GPC5: variants seen among roughly 807,000 people sequenced by gnomAD.
GPC5 encodes glypican 5.
Under a neutral mutation model 53.9 loss-of-function variants are expected in GPC5, and 47 were observed. The observed-to-expected ratio is 0.87, with a 90% confidence interval of 0.69 to 1.11. GPC5 has a LOEUF of 1.11. GPC5 is among the 50% of genes most tolerant of loss of function. The pLI, the probability that GPC5 is intolerant of heterozygous loss-of-function variation, is 0.00. For missense variants in GPC5, 748 were observed against 713.1 expected, an observed-to-expected ratio of 1.05 and a Z score of -0.56; for synonymous variants, 286 against 263.3, an observed-to-expected ratio of 1.09 and a Z score of -0.84.
chr13:92,507,787 C>T (rs1880425305), intron 7 of GPC5, among the ~76,000 whole-genome samples: 1 of 151,928 alleles, frequency 6.6e-6, no homozygotes, highest in Non-Finnish European at 1.5e-5. Flanking sequence ...AAAATATATC[C>T]TGCACAAGTG....
chr13:91,882,670 G>GTTTTTTTTTTTTTTTTTTTTTTGTTTT, intron 5 of GPC5, among the ~76,000 whole-genome samples: 4 of 59,332 alleles, frequency 6.7e-5, no homozygotes, highest in African/African-American at 1.4e-4. Context: ...TGTTTTTTGG[G>GTTTTTTTTTTTTTTTTTTTTTTGTTTT]TTTTTTTTTT....
At chr13:92,282,694 A>G (rs1297022702) in intron 7 of GPC5, among the ~76,000 whole-genome samples, 6 of 152,208 alleles carry the variant, frequency 3.9e-5, no homozygotes, top group Admixed American at 3.9e-4. Context: ...GCAAATGCTG[A>G]GAGATTTTGT....
intron 6 of GPC5, among the ~76,000 whole-genome samples, chr13:92,045,232 G>C (rs984686998): frequency 6.6e-6 from 1 of 152,172 alleles, no homozygotes; most frequent in African/African-American, 2.4e-5. Flanking sequence ...AGATTCAAGA[G>C]TAAAATGTGT....
chr13:92,595,543 C>T (rs1047067252), intron 7 of GPC5, among the ~76,000 whole-genome samples: 133 of 151,616 alleles, frequency 8.8e-4, no homozygotes, highest in Non-Finnish European at 9.3e-4. Flanking sequence ...CCGAGGCAGG[C>T]GGATCACGAG....
chr13:92,770,886 G>T (rs1346425053), intron 7 of GPC5, among the ~76,000 whole-genome samples: 2 of 152,144 alleles, frequency 1.3e-5, no homozygotes, highest in Non-Finnish European at 2.9e-5. Flanking sequence ...TAAAAGTCTG[G>T]ATTCCCCACT....
chr13:92,481,571 T>A, intron 7 of GPC5, among the ~76,000 whole-genome samples: 1 of 152,158 alleles, frequency 6.6e-6, no homozygotes, highest in East Asian at 1.9e-4. Context: ...TTCATTTGCT[T>A]ACATCTCCCG....
intron 7 of GPC5, among the ~76,000 whole-genome samples, chr13:92,253,119 A>G (rs553590545): frequency 2.0e-5 from 3 of 152,256 alleles, no homozygotes; most frequent in South Asian, 4.1e-4. Context: ...GTTTCTGAAA[A>G]AGTGAGAATT....
chr13:92,461,229 G>A (rs1878465847), intron 7 of GPC5, among the ~76,000 whole-genome samples: 1 of 152,106 alleles, frequency 6.6e-6, no homozygotes, highest in African/African-American at 2.4e-5. Context: ...GGATTTTTGA[G>A]GAGCAGAAAA....
chr13:92,572,379 T>C (rs1316146600), intron 7 of GPC5, among the ~76,000 whole-genome samples: 2 of 152,260 alleles, frequency 1.3e-5, no homozygotes, highest in East Asian at 3.9e-4. Flanking sequence ...TATCACCTTT[T>C]GTTGGGACAT....
chr13:92,535,472 G>C (rs1881694634), intron 7 of GPC5, among the ~76,000 whole-genome samples: 1 of 152,152 alleles, frequency 6.6e-6, no homozygotes, highest in Middle Eastern at 3.4e-3. Context: ...TAGAGGGAAA[G>C]AAAACAGGAA....
chr13:92,785,460 T>C lies in GPC5; in HGVS notation c.1562-80822T>C, dbSNP rs9561152. 0.028 allele frequency among the ~76,000 whole-genome samples: 4,226 copies of C among 152,242 alleles called. 390 individuals carry two copies. In the East Asian group the frequency reaches 0.32, roughly 12 times the overall value. ...AGAAGGTAGCTAAGAAAACTAATCTTCCTAATTCATATGTGCAACCACAAA... is the reference window on the plus strand; with the variant it reads ...AGAAGGTAGCTAAGAAAACTAATCTCCCTAATTCATATGTGCAACCACAAA... On this transcript the variant is annotated intron_variant, in intron 7 of 7. Coordinates refer to ENST00000377067, the MANE Select transcript of GPC5 (RefSeq NM_004466.6).
intron 7 of GPC5, among the ~76,000 whole-genome samples, chr13:92,735,612 A>AAAT (rs1888914346): frequency 1.3e-5 from 2 of 152,118 alleles, no homozygotes; most frequent in African/African-American, 4.8e-5. Context: ...AGAAAATGGA[A>AAAT]AATGAAATGT....
chr13:92,063,866 T>A (rs1258553618), intron 6 of GPC5, among the ~76,000 whole-genome samples: 1 of 152,198 alleles, frequency 6.6e-6, no homozygotes, highest in Non-Finnish European at 1.5e-5. Flanking sequence ...TATTAATAAA[T>A]TGCTTGAAAT....
intron 6 of GPC5, among the ~76,000 whole-genome samples, chr13:92,115,808 C>T (rs1344643302): frequency 6.6e-6 from 1 of 152,066 alleles, no homozygotes; most frequent in East Asian, 1.9e-4. Context: ...TGGTGCACCC[C>T]CCACCCCCAC....
intron 2 of GPC5, among the ~76,000 whole-genome samples, chr13:91,614,786 T>C (rs2033651530): frequency 6.6e-6 from 1 of 152,212 alleles, no homozygotes; most frequent in Non-Finnish European, 1.5e-5. Flanking sequence ...CCGATGTTTA[T>C]AATGGCAAAT....
chr13:92,384,373 T>G (rs2043775146), intron 7 of GPC5, among the ~76,000 whole-genome samples: 1 of 152,068 alleles, frequency 6.6e-6, no homozygotes. Context: ...TTCTTATAAG[T>G]TTTTGTTTGT....
chr13:91,809,776 A>G (rs1020651114), intron 5 of GPC5, among the ~76,000 whole-genome samples: 1 of 152,100 alleles, frequency 6.6e-6, no homozygotes, highest in Non-Finnish European at 1.5e-5. Flanking sequence ...AATATACTCT[A>G]CAAAATTTTA....
intron 5 of GPC5, among the ~76,000 whole-genome samples, chr13:91,895,029 T>C (rs1253587507): frequency 6.6e-6 from 1 of 150,878 alleles, no homozygotes; most frequent in Non-Finnish European, 1.5e-5. Context: ...AAGCTGGCCT[T>C]CTAACCAAAC....
chr13:91,655,978 G>A (rs546167505), intron 2 of GPC5, among the ~76,000 whole-genome samples: 2 of 152,198 alleles, frequency 1.3e-5, no homozygotes, highest in African/African-American at 4.8e-5. Context: ...CAACAGAGGC[G>A]ATGTGCGTAT....
Sources: gnomAD v4.1 joint callset for allele counts (sites outside exome capture counted in the v4.1 genomes callset) on GRCh38, gnomAD v4.1.1 for gene constraint, MANE v1.5 for transcripts, NCBI Gene and HGNC (gene_info 2026-07-23, HGNC 2026-07-21) for gene names.